WDR17: variants seen among roughly 807,000 people sequenced by gnomAD.
The protein encoded by WDR17 is WD repeat-containing protein 17.
Under a neutral mutation model 161.7 loss-of-function variants are expected in WDR17, and 143 were observed. The observed-to-expected ratio is 0.88, with a 90% CI of 0.77 to 1.02. The LOEUF (loss-of-function observed/expected upper bound fraction) is 1.02, where lower values mean the gene tolerates loss of function less well. Ranked by LOEUF, WDR17 falls within the 50% of genes least tolerant of loss-of-function variation. WDR17 has a pLI of 0.00. For missense variants in WDR17, 1,469 were observed against 1,520.9 expected, an observed-to-expected ratio of 0.97 and a Z score of 0.57; for synonymous variants, 517 against 515.6, an observed-to-expected ratio of 1.00 and a Z score of -0.04.
intron 11 of WDR17, among the ~76,000 whole-genome samples, chr4:176,143,727 A>C (rs1745690980): frequency 6.6e-6 from 1 of 151,980 alleles, no homozygotes; most frequent in Non-Finnish European, 1.5e-5. Context: ...CCTAACCATC[A>C]ACTTGCCACT....
chr4:176,179,491 C>G lies in WDR17; in HGVS notation c.3764C>G (p.Ser1255Cys). ...GTGTTTTTCCTTGAAGACGGGAAAT[C>G]TGCTATCTCCTTGAATGATGCTTTG... The part of the protein sequence containing the change: ...GPVFFLEDGK[S>C]AISLNDALMW... Residue 1255 changes from serine (S) to cysteine (C), a missense_variant, in exon 29 of 29, where the codon TCT becomes TGT. By Grantham distance (112) the Ser-to-Cys change is moderately radical. Transcript: ENST00000508596. The G allele has an allele frequency of 6.2e-7, 1 of 1,603,322 alleles. No homozygotes were observed. Among genetic ancestry groups the G allele is most frequent in the Non-Finnish European group, 8.5e-7 (1 of 1,174,004 alleles).
chr4:176,118,455 A>G (rs1356769632), intron 3 of WDR17, among the ~76,000 whole-genome samples: 3 of 152,136 alleles, frequency 2.0e-5, no homozygotes, highest in Non-Finnish European at 4.4e-5. Flanking sequence ...GTATACATTC[A>G]TTCATTCAGC....
chr4:176,149,109 T>C (rs921870314), intron 13 of WDR17, among the ~76,000 whole-genome samples: 6 of 152,164 alleles, frequency 3.9e-5, no homozygotes, highest in Admixed American at 2.0e-4. Context: ...TAGAACGTCA[T>C]CTGCCCATCC....
At chr4:176,074,897 G>T in intron 1 of WDR17, among the ~76,000 whole-genome samples, 1 of 136,750 alleles carries the variant, frequency 7.3e-6, no homozygotes, top group Admixed American at 7.9e-5. Context: ...AGTAAATTGT[G>T]CAGTGATTAC....
At chr4:176,069,905 G>T (rs1280761691) in intron 1 of WDR17, among the ~76,000 whole-genome samples, 2 of 152,066 alleles carry the variant, frequency 1.3e-5, no homozygotes, top group Admixed American at 1.3e-4. Flanking sequence ...ATTTAATTAA[G>T]TTTGATTCTT....
intron 20 of WDR17, 23 bp downstream of exon 20, chr4:176,161,025 G>T (rs1748961742): frequency 6.3e-7 from 1 of 1,578,740 alleles, no homozygotes; most frequent in Non-Finnish European, 8.6e-7. Context: ...TTTGCTCTGG[G>T]TCCATATGTT....
At position 176,139,917 on chromosome 4, in the gene WDR17, T is replaced by C. The variant is rs1429092344; in HGVS notation, c.1385T>C (p.Ile462Thr). ...CATGGAACAAATGGAATATTCTGCA[T>C]TGCCTGGAGTCATAAAGATTCTAAA... ...NEHGTNGIFC[I>T]AWSHKDSKRI... Residue 462 changes from isoleucine (I) to threonine (T), a missense_variant, in exon 10 of 29, where the codon ATT becomes ACT. Physicochemically the swap from Ile to Thr is moderately conservative, Grantham distance 89. Transcript: ENST00000508596. 16 of 1,611,740 alleles carry C rather than the reference T, an allele frequency of 9.9e-6. No homozygotes were observed. The highest frequency in any genetic ancestry group is 1.3e-5 in the Non-Finnish European group (15 of 1,178,680).
intron 7 of WDR17, among the ~76,000 whole-genome samples, chr4:176,134,700 T>A (rs1266937556): frequency 1.3e-5 from 2 of 151,740 alleles, no homozygotes; most frequent in African/African-American, 4.8e-5. Context: ...AGTTTGAGTT[T>A]CATCTTGGTC....
chr4:176,112,078 T>A (rs1739858746), intron 2 of WDR17, among the ~76,000 whole-genome samples: 1 of 152,158 alleles, frequency 6.6e-6, no homozygotes, highest in South Asian at 2.1e-4. Context: ...CAGTTCACAA[T>A]TTATAGAGCC....
rs869298899 is a variant in WDR17 at position 176,177,985 on chromosome 4, C to CAAAAAAAAA, written c.3732+369_3732+377dup. ...GGGCAACAAGAGTGAAACTCCGTCT[C>CAAAAAAAAA]AAAAAAAAAAAAAAAAAAAAAAAAA... is the stretch of plus-strand genomic sequence containing the variant. On this transcript the variant is annotated intron_variant, in intron 28 of 28. Coordinates refer to ENST00000508596, the MANE Select transcript of WDR17 (RefSeq NM_181265.4). Among the ~76,000 whole-genome samples the CAAAAAAAAA allele has an allele frequency of 5.8e-4, 27 of 46,296 alleles. 5 individuals are homozygous for CAAAAAAAAA. The highest frequency in any genetic ancestry group is 7.3e-4 in the Non-Finnish European group (19 of 26,030). The allele number at this position is 46,296 out of a possible 152,430, so 30.4% of individuals were successfully genotyped here. A position where few individuals can be genotyped will look rare whatever the true frequency, so the allele number is the denominator to read the frequency against.
In WDR17 at chr4:176,180,335, G is replaced by A. The variant is rs531182754; in HGVS notation, c.*756G>A. 7.9e-5 allele frequency: 12 copies of A among 152,174 alleles called. No homozygotes were observed. The highest frequency in any genetic ancestry group is 1.5e-4 in the Non-Finnish European group (10 of 67,998). 9.4% of individuals were successfully genotyped at this position (152,174 alleles called of 1,614,324 possible). A position where few individuals can be genotyped will look rare whatever the true frequency, so the allele number is the denominator to read the frequency against. On this transcript the variant is annotated 3_prime_UTR_variant, in exon 29 of 29. Transcript: ENST00000508596. ...GTGACTATTTTAAGAGATTCAGCAT[G>A]CATGGATATTAGTTTTGATTAATGT...
chr4:176,077,255 A>G (rs983684383), intron 1 of WDR17, among the ~76,000 whole-genome samples: 11 of 151,384 alleles, frequency 7.3e-5, no homozygotes, highest in African/African-American at 1.2e-4. Context: ...TAGAAAAGGT[A>G]CATGATGGAA....
intron 1 of WDR17, among the ~76,000 whole-genome samples, chr4:176,070,203 C>T (rs1294031672): frequency 6.6e-6 from 1 of 152,106 alleles, no homozygotes; most frequent in Non-Finnish European, 1.5e-5. Context: ...ATAGTGGATA[C>T]GTTTCGTTAA....
chr4:176,181,844 T>A lies in WDR17; in HGVS notation c.*2265T>A, dbSNP rs968088149. 8.5e-5 allele frequency: 13 copies of A among 152,076 alleles called. No individual in the cohort carries two copies. Among genetic ancestry groups the A allele is most frequent in the Non-Finnish European group, 1.6e-4 (11 of 67,980 alleles). 9.4% of individuals were successfully genotyped at this position (152,076 alleles called of 1,614,324 possible). ...AAAGATGAAGAAAAAATTTTGCAAGTCTTTAAGCACATAAATACAACAGAA... is the reference window on the plus strand; with the variant it reads ...AAAGATGAAGAAAAAATTTTGCAAGACTTTAAGCACATAAATACAACAGAA... On this transcript the variant is annotated 3_prime_UTR_variant, in exon 29 of 29. Coordinates refer to ENST00000508596, the MANE Select transcript of WDR17 (RefSeq NM_181265.4).
At chr4:176,144,363 A>G (rs1158037728) in intron 11 of WDR17, among the ~76,000 whole-genome samples, 1 of 152,172 alleles carries the variant, frequency 6.6e-6, no homozygotes, top group Non-Finnish European at 1.5e-5. Flanking sequence ...ATCGCCAACT[A>G]CGTTATCTGT....
At chr4:176,177,182 G>T (rs1751569686) in intron 27 of WDR17, 26 bp downstream of exon 27, 2 of 1,581,402 alleles carry the variant, frequency 1.3e-6, no homozygotes, top group Non-Finnish European at 1.7e-6. Context: ...ATAAAAATTG[G>T]AATGCAGAAG....
intron 1 of WDR17, among the ~76,000 whole-genome samples, chr4:176,087,904 C>G (rs1257004199): frequency 6.6e-6 from 1 of 151,778 alleles, no homozygotes; most frequent in Non-Finnish European, 1.5e-5. Context: ...ATTGCAGTGG[C>G]GCGATCTCGG....
At chr4:176,163,733 C>T (rs1011724602) in intron 22 of WDR17, among the ~76,000 whole-genome samples, 1 of 152,032 alleles carries the variant, frequency 6.6e-6, no homozygotes, top group Non-Finnish European at 1.5e-5. Context: ...AACAGGACAC[C>T]TCCCCCAGAC....
chr4:176,138,287 T>C (rs1324791210), intron 9 of WDR17, among the ~76,000 whole-genome samples: 3 of 151,784 alleles, frequency 2.0e-5, no homozygotes, highest in Admixed American at 2.0e-4. Flanking sequence ...ATTAAGTATA[T>C]AATTTCTTTG....
Sources: allele counts gnomAD v4.1 joint callset (sites outside exome capture counted in the v4.1 genomes callset), GRCh38; gene constraint gnomAD v4.1.1; transcripts MANE v1.5; gene names NCBI Gene and HGNC (gene_info 2026-07-23, HGNC 2026-07-21).